The following CDKL3 variants were observed in gnomAD, a reference collection of about 807,000 sequenced individuals.
CDKL3 encodes cyclin-dependent kinase-like 3.
CDKL3 carries 65 observed loss-of-function variants against 69.3 expected under a neutral mutation model. The observed-to-expected ratio is 0.94, with a 90% CI of 0.77 to 1.15. The LOEUF is 1.15. Among genes scored for constraint, CDKL3 ranks in the 50% most tolerant of loss-of-function variants. The pLI is 0.00. For missense variants in CDKL3, 652 were observed against 689.2 expected, an observed-to-expected ratio of 0.95 and a Z score of 0.61; for synonymous variants, 202 against 221.6, an observed-to-expected ratio of 0.91 and a Z score of 0.79.
intron 7 of CDKL3, among the ~76,000 whole-genome samples, chr5:134,309,257 T>C (rs908180225): frequency 6.6e-5 from 10 of 152,196 alleles, no homozygotes; most frequent in African/African-American, 2.4e-4. Flanking sequence ...TAATTTTGTA[T>C]TTTTAGTAGA....
In CDKL3 at chr5:134,304,540, C is replaced by T. The variant is rs1245552174; in HGVS notation, c.1486G>A (p.Glu496Lys). ...ATTTGGTCACTGTGACCTGTTCGCTCATTAAATATACCCTTCTCCATTTGG... is the reference window on the plus strand; with the variant it reads ...ATTTGGTCACTGTGACCTGTTCGCTTATTAAATATACCCTTCTCCATTTGG... Reference protein sequence around the residue: ...QSQMEKGIFNERTGHSDQMAN... With the variant: ...QSQMEKGIFNKRTGHSDQMAN... Residue 496 changes from glutamate to lysine, a missense_variant, in exon 11 of 13, where the codon GAG becomes AAG. By Grantham distance (56) the Glu-to-Lys change is moderately conservative. Transcript: ENST00000265334. 2.4e-5 allele frequency: 39 copies of T among 1,610,364 alleles called. No homozygotes were observed. Among genetic ancestry groups the T allele is most frequent in the Admixed American group, 1.0e-4 (6 of 59,498 alleles).
chr5:134,304,068 G>T (rs1036209494), intron 11 of CDKL3, among the ~76,000 whole-genome samples: 4 of 151,782 alleles, frequency 2.6e-5, no homozygotes, highest in African/African-American at 9.7e-5. Flanking sequence ...GAGTAGCTGG[G>T]ACTACAGGCA....
Position 134,334,551 on chromosome 5 carries a change from T to G in CDKL3, c.540-12648A>C, listed in dbSNP as rs1272840342. Among the ~76,000 whole-genome samples the G allele has an allele frequency of 2.0e-5, 3 of 152,326 alleles. No individual in the cohort carries two copies. In the South Asian group the frequency reaches 6.2e-4, roughly 32 times the overall value. ...TGGTTTCAAAGAACATCTTTATGTC[T>G]GCCTTCATTTCGTAATTTACCCAGT... On this transcript the variant is annotated intron_variant, in intron 4 of 12. Coordinates refer to ENST00000265334, the MANE Select transcript of CDKL3 (RefSeq NM_001113575.2).
intron 4 of CDKL3, among the ~76,000 whole-genome samples, chr5:134,334,045 G>A (rs983262155): frequency 6.6e-6 from 1 of 152,144 alleles, no homozygotes; most frequent in Non-Finnish European, 1.5e-5. Flanking sequence ...TTGGGAGAGT[G>A]TATATGTCCA....
chr5:134,300,497 T>C (rs1766051793), intron 12 of CDKL3, among the ~76,000 whole-genome samples: 1 of 152,200 alleles, frequency 6.6e-6, no homozygotes, highest in East Asian at 1.9e-4. Flanking sequence ...TATTCTTTCA[T>C]GCTCTAAAAT....
chr5:134,344,281 GAA>G (rs968131356), intron 4 of CDKL3, among the ~76,000 whole-genome samples: 1 of 152,130 alleles, frequency 6.6e-6, no homozygotes, highest in African/African-American at 2.4e-5. Context: ...GGCAACAAAA[GAA>G]ACAGATAAAT....
At chr5:134,328,871 C>G (rs1775044030) in intron 4 of CDKL3, among the ~76,000 whole-genome samples, 1 of 152,148 alleles carries the variant, frequency 6.6e-6, no homozygotes, top group Non-Finnish European at 1.5e-5. Flanking sequence ...TCAAAAAAGA[C>G]CTCTCAACAA....
intron 6 of CDKL3, 177 bp downstream of exon 6, chr5:134,319,181 A>C (rs897748352): frequency 2.2e-6 from 1 of 447,892 alleles, no homozygotes; most frequent in Non-Finnish European, 3.8e-6. Flanking sequence ...AAATACAAAA[A>C]TTAGCCGGGC....
intron 4 of CDKL3, among the ~76,000 whole-genome samples, chr5:134,339,451 A>C (rs1245075995): frequency 6.6e-6 from 1 of 152,196 alleles, no homozygotes; most frequent in African/African-American, 2.4e-5. Context: ...TGAAGAGGGA[A>C]ATTTCATAAT....
chr5:134,326,735 G>A (rs898881600), intron 4 of CDKL3, among the ~76,000 whole-genome samples: 1 of 149,892 alleles, frequency 6.7e-6, no homozygotes, highest in Non-Finnish European at 1.5e-5. Context: ...CCGCCTCCCA[G>A]GTTCAAGCGA....
At chr5:134,324,819 G>A (rs1248983363) in intron 4 of CDKL3, among the ~76,000 whole-genome samples, 2 of 152,134 alleles carry the variant, frequency 1.3e-5, no homozygotes, top group East Asian at 3.8e-4. Flanking sequence ...ACAACACAGA[G>A]TAAACTCTAA....
intron 2 of CDKL3, among the ~76,000 whole-genome samples, chr5:134,363,854 G>A: frequency 6.6e-6 from 1 of 151,332 alleles, no homozygotes; most frequent in Admixed American, 6.6e-5. Context: ...CTCTTTCACA[G>A]GTCCAAGACA....
At position 134,359,960 on chromosome 5, in the gene CDKL3, ACT is replaced by A. The variant is rs762533341; in HGVS notation, c.295_296del (p.Ser99Ter). On this transcript the variant is annotated frameshift_variant, in exon 3 of 13. Transcript: ENST00000265334. LOFTEE classifies it high-confidence loss of function. ...ELQHYCHGLESKRLRKYLFQI... is the reference protein window; with the variant it reads ...ELQHYCHGLEXKRLRKYLFQI... ...GGAAGAGGTATTTTCTAAGTCGCTTACTCTCTAGTCCATGACAATAATGTTGT... is the reference window on the plus strand; with the variant it reads ...GGAAGAGGTATTTTCTAAGTCGCTTACTCTAGTCCATGACAATAATGTTGT... 1 of 1,583,722 alleles carries A rather than the reference ACT, an allele frequency of 6.3e-7. No individual in the cohort carries two copies. The highest frequency in any genetic ancestry group is 1.3e-5 in the African/African-American group (1 of 74,524).
chr5:134,329,381 A>C (rs1432970507), intron 4 of CDKL3, among the ~76,000 whole-genome samples: 1 of 152,106 alleles, frequency 6.6e-6, no homozygotes, highest in East Asian at 1.9e-4. Context: ...AGCACTGGTA[A>C]AGGTAATTAT....
intron 4 of CDKL3, among the ~76,000 whole-genome samples, chr5:134,336,244 T>C (rs1777086987): frequency 6.6e-6 from 1 of 152,216 alleles, no homozygotes. Context: ...TCAAGGTTTT[T>C]AGCTTCCTGG....
intron 1 of CDKL3, 125 bp from the exon 2 acceptor site, chr5:134,366,669 A>G: frequency 1.4e-6 from 1 of 703,714 alleles, no homozygotes; most frequent in Non-Finnish European, 2.2e-6. Context: ...AAAAAAAAAA[A>G]GGAATCTTTT....
intron 12 of CDKL3, chr5:134,302,143 ATAGT>A (rs777617659): frequency 4.4e-6 from 2 of 456,196 alleles, no homozygotes; most frequent in African/African-American, 2.0e-5. Flanking sequence ...AGATTACCTG[ATAGT>A]TAGCTGAGAG....
At chr5:134,330,809 C>A (rs1775595972) in intron 4 of CDKL3, among the ~76,000 whole-genome samples, 1 of 152,188 alleles carries the variant, frequency 6.6e-6, no homozygotes, top group Non-Finnish European at 1.5e-5. Context: ...AGAAAGTCAA[C>A]AAGCAAAATG....
intron 11 of CDKL3, 123 bp from the exon 12 acceptor site, chr5:134,302,810 A>G: frequency 1.8e-6 from 1 of 556,590 alleles, no homozygotes; most frequent in South Asian, 2.4e-5. Context: ...ACAAAGGAAC[A>G]AAATAAATTA....
Sources: allele counts gnomAD v4.1 joint callset (sites outside exome capture counted in the v4.1 genomes callset), GRCh38; gene constraint gnomAD v4.1.1; transcripts MANE v1.5; gene names NCBI Gene and HGNC (gene_info 2026-07-23, HGNC 2026-07-21).